SPOCK1: variants seen among roughly 807,000 people sequenced by gnomAD.
SPOCK1 encodes the protein SPARC (osteonectin), cwcv and kazal like domains proteoglycan 1.
SPOCK1 carries 23 observed loss-of-function variants against 55.3 expected under a neutral mutation model. The observed-to-expected ratio is 0.42, with a 90% CI of 0.30 to 0.59. The LOEUF (loss-of-function observed/expected upper bound fraction) is 0.59, where lower values mean the gene tolerates loss of function less well. SPOCK1 is among the 20% of genes least tolerant of loss of function. The probability of loss-of-function intolerance (pLI) is 0.22; values close to 1 mark genes in which losing one functional copy is unlikely to be tolerated. For missense variants in SPOCK1, 499 were observed against 552.5 expected, an observed-to-expected ratio of 0.90 and a Z score of 0.97; for synonymous variants, 226 against 221.0, an observed-to-expected ratio of 1.02 and a Z score of -0.20.
chr5:137,158,890 C>T lies in SPOCK1; in HGVS notation c.233-18196G>A, dbSNP rs569839117. On this transcript the variant is annotated intron_variant, in intron 3 of 10. Transcript: ENST00000394945. ...TCCTAAAGAGATGGCAAATTGCCAACTTCTCATGTGGCTTCTCCAGGCTCC... is the reference window on the plus strand; with the variant it reads ...TCCTAAAGAGATGGCAAATTGCCAATTTCTCATGTGGCTTCTCCAGGCTCC... Among the ~76,000 whole-genome samples the T allele has an allele frequency of 3.3e-5, 5 of 152,322 alleles. No individual in the cohort carries two copies. In the South Asian group the frequency reaches 8.3e-4, roughly 25 times the overall value.
At chr5:137,135,941 A>G (rs1753975633) in intron 4 of SPOCK1, among the ~76,000 whole-genome samples, 1 of 152,246 alleles carries the variant, frequency 6.6e-6, no homozygotes, top group Admixed American at 6.5e-5. Context: ...CATAAAGCTG[A>G]TATGAACATG....
chr5:137,469,341 C>G (rs997626821), intron 2 of SPOCK1, among the ~76,000 whole-genome samples: 1 of 152,198 alleles, frequency 6.6e-6, no homozygotes, highest in Non-Finnish European at 1.5e-5. Flanking sequence ...TTATTCAGTC[C>G]TCCAAGAGTT....
chr5:137,401,042 C>T (rs1207134162), intron 2 of SPOCK1, among the ~76,000 whole-genome samples: 3 of 152,118 alleles, frequency 2.0e-5, no homozygotes, highest in Admixed American at 2.0e-4. Flanking sequence ...CAGAGAGGGC[C>T]TGTCTCTCAA....
chr5:137,274,165 G>A (rs539728522), intron 2 of SPOCK1, among the ~76,000 whole-genome samples: 153 of 152,282 alleles, frequency 1.0e-3, no homozygotes, highest in Non-Finnish European at 1.7e-3. Flanking sequence ...TGCTCCATTT[G>A]TACTCTGGCC....
intron 2 of SPOCK1, among the ~76,000 whole-genome samples, chr5:137,302,922 A>T (rs1228236795): frequency 6.6e-6 from 1 of 152,184 alleles, no homozygotes; most frequent in Non-Finnish European, 1.5e-5. Flanking sequence ...GGCTGGCACA[A>T]AGTAGGGACT....
At chr5:137,418,004 T>A (rs1752383115) in intron 2 of SPOCK1, among the ~76,000 whole-genome samples, 1 of 152,160 alleles carries the variant, frequency 6.6e-6, no homozygotes, top group Non-Finnish European at 1.5e-5. Flanking sequence ...CCTTCCTGTG[T>A]CCATGTGTTC....
chr5:137,189,594 G>A (rs1294868122), intron 3 of SPOCK1, among the ~76,000 whole-genome samples: 1 of 152,182 alleles, frequency 6.6e-6, no homozygotes, highest in Non-Finnish European at 1.5e-5. Context: ...AATGCATCTG[G>A]TCATTCAAGA....
At chr5:137,113,255 C>T (rs562701172) in intron 4 of SPOCK1, among the ~76,000 whole-genome samples, 10 of 152,288 alleles carry the variant, frequency 6.6e-5, no homozygotes, top group East Asian at 1.9e-4. Flanking sequence ...CTTACGTCCA[C>T]GGAAGGAACC....
At chr5:137,330,233 A>G (rs1561506519) in intron 2 of SPOCK1, among the ~76,000 whole-genome samples, 1 of 152,112 alleles carries the variant, frequency 6.6e-6, no homozygotes, top group Non-Finnish European at 1.5e-5. Flanking sequence ...GACCCCCCAG[A>G]CACTGTGGGG....
chr5:137,470,749 C>T (rs1011046001), intron 2 of SPOCK1, among the ~76,000 whole-genome samples: 3 of 152,164 alleles, frequency 2.0e-5, no homozygotes, highest in African/African-American at 7.2e-5. Context: ...TCACTGTTCA[C>T]CAAACAGTAA....
At chr5:137,312,034 A>G (rs944807941) in intron 2 of SPOCK1, among the ~76,000 whole-genome samples, 3 of 152,208 alleles carry the variant, frequency 2.0e-5, no homozygotes, top group Non-Finnish European at 2.9e-5. Context: ...AAAATCAGGT[A>G]CCCAGGTATT....
chr5:137,056,654 G>C (rs1160500442), intron 6 of SPOCK1, among the ~76,000 whole-genome samples: 1 of 151,490 alleles, frequency 6.6e-6, no homozygotes, highest in Non-Finnish European at 1.5e-5. Context: ...TCTTGGCTGC[G>C]GCTATGATCA....
chr5:137,121,914 A>T (rs4976413), intron 4 of SPOCK1, among the ~76,000 whole-genome samples: 144,505 of 146,218 alleles, frequency 0.99, 71,426 homozygotes, highest in East Asian at 1. Context: ...ATATGTCATA[A>T]ATAATACTGT....
In SPOCK1 at chr5:137,363,150, C is replaced by T. The variant is rs183477489; in HGVS notation, c.187-96095G>A. ...AGGATGAATAAGATCCAGACCTTGCCTTCCAAAGTTCATAATTTGAGATGG... is the reference window on the plus strand; with the variant it reads ...AGGATGAATAAGATCCAGACCTTGCTTTCCAAAGTTCATAATTTGAGATGG... On this transcript the variant is annotated intron_variant, in intron 2 of 10. Transcript: ENST00000394945. Among the ~76,000 whole-genome samples the T allele has an allele frequency of 3.8e-4, 58 of 152,318 alleles. 1 individual carries two copies. Among genetic ancestry groups the T allele is most frequent in the Admixed American group, 2.6e-3 (40 of 15,298 alleles).
chr5:136,978,864 A>T lies in SPOCK1; in HGVS notation c.1130-20T>A, dbSNP rs1750669941. 6.3e-7 allele frequency: 1 copy of T among 1,593,808 alleles called. No homozygotes were observed. The highest frequency in any genetic ancestry group is 1.2e-5 in the South Asian group (1 of 86,330). On this transcript the variant is annotated intron_variant, in intron 10 of 10. Coordinates refer to ENST00000394945, the MANE Select transcript of SPOCK1 (RefSeq NM_004598.4). Reference sequence around the variant, plus strand: ...CCTCTTCTGAAAGATTAAAAAAAGCATTGAGGTTAGTTTCCACTTATACCT... The same window carrying T: ...CCTCTTCTGAAAGATTAAAAAAAGCTTTGAGGTTAGTTTCCACTTATACCT...
chr5:137,294,009 A>G (rs1580851216), intron 2 of SPOCK1, among the ~76,000 whole-genome samples: 2 of 152,186 alleles, frequency 1.3e-5, no homozygotes, highest in African/African-American at 2.4e-5. Context: ...GCGACACTCC[A>G]TCTCAAAAAG....
chr5:136,982,837 C>T (rs987977815), intron 9 of SPOCK1, among the ~76,000 whole-genome samples: 20 of 152,254 alleles, frequency 1.3e-4, no homozygotes, highest in South Asian at 1.2e-3. Flanking sequence ...GGTTAGTAAG[C>T]TGACTGAATC....
intron 2 of SPOCK1, among the ~76,000 whole-genome samples, chr5:137,300,586 G>A (rs1757570818): frequency 6.6e-6 from 1 of 152,172 alleles, no homozygotes; most frequent in Non-Finnish European, 1.5e-5. Flanking sequence ...AGCTGAAACT[G>A]CTCAGTTCTT....
intron 9 of SPOCK1, among the ~76,000 whole-genome samples, chr5:136,983,496 C>G (rs1168097215): frequency 6.6e-6 from 1 of 151,794 alleles, no homozygotes; most frequent in East Asian, 1.9e-4. Flanking sequence ...TTTCAAAGAA[C>G]AGTAGATAGA....
Sources: gnomAD v4.1 joint callset for allele counts (sites outside exome capture counted in the v4.1 genomes callset) on GRCh38, gnomAD v4.1.1 for gene constraint, MANE v1.5 for transcripts, NCBI Gene and HGNC (gene_info 2026-07-23, HGNC 2026-07-21) for gene names.